ADGRA2: variants seen among roughly 807,000 people sequenced by gnomAD.
ADGRA2 encodes G-protein coupled receptor 124.
Under a neutral mutation model 98.7 loss-of-function variants are expected in ADGRA2, and 61 were observed. The observed-to-expected ratio is 0.62, with a 90% CI of 0.50 to 0.76. The LOEUF (loss-of-function observed/expected upper bound fraction) is 0.76. Ranked by LOEUF, ADGRA2 falls within the 30% of genes least tolerant of loss-of-function variation. ADGRA2 has a pLI of 0.00. For synonymous variants in ADGRA2, 858 were observed against 831.5 expected, an observed-to-expected ratio of 1.03 and a Z score of -0.55; for missense variants, 1,712 against 1,860.0, an observed-to-expected ratio of 0.92 and a Z score of 1.46.
chr8:37,835,605 C>T lies in ADGRA2; in HGVS notation c.1885C>T (p.Leu629Phe), dbSNP rs1322685559. The T allele has an allele frequency of 6.2e-7, 1 of 1,613,918 alleles. No individual in the cohort carries two copies. ...IQLPPSLFSS[L>F]PAALAPPVPP... ...GCTGCCCCCGAGTCTATTCTCATCC[C>T]TTCCGGCTGCCCTGGCTCCCCCGGT... Residue 629 changes from leucine (L) to phenylalanine (F), a missense_variant, in exon 13 of 19, where the codon CTT (leucine) becomes TTT (phenylalanine). Leu to Phe is a conservative substitution (Grantham distance 22, BLOSUM62 0). Transcript: ENST00000412232.
rs760832211 is a variant in ADGRA2 at position 37,831,447 on chromosome 8, C to T, written c.957C>T (p.Gly319=). The change falls in exon 8 of 19, where the codon GGC becomes GGT. Residue 319 remains glycine, a synonymous_variant. Coordinates refer to ENST00000412232, the MANE Select transcript of ADGRA2 (RefSeq NM_032777.10). ...ITSELTLSHI[G]VWASGEWECT... ...GTGAGCTGACGCTGTCTCACATCGG[C>T]GTGTGGGCCTCAGGCGAGTGGGAGT... 2.7e-5 allele frequency: 44 copies of T among 1,612,272 alleles called. No individual in the cohort carries two copies. Among genetic ancestry groups the T allele is most frequent in the African/African-American group, 4.0e-5 (3 of 74,948 alleles).
intron 2 of ADGRA2, among the ~76,000 whole-genome samples, chr8:37,827,590 T>A (rs980921596): frequency 3.3e-5 from 5 of 152,012 alleles, no homozygotes; most frequent in Admixed American, 2.0e-4. Context: ...CCCTGGGGGG[T>A]CACAGCCCCC....
At position 37,816,204 on chromosome 8, in the gene ADGRA2, G is replaced by A. The variant is rs562527983; in HGVS notation, c.338+1237G>A. The stretch of plus-strand genomic sequence containing the variant: ...CTCTGGGAGGCCGAGGCTGGAGGAC[G>A]GCTTGAGCCCAGGAGTTCAAGGCTG... On this transcript the variant is annotated intron_variant, in intron 2 of 18. Transcript: ENST00000412232. 1.0e-4 allele frequency among the ~76,000 whole-genome samples: 15 copies of A among 148,450 alleles called. No homozygotes were observed. In the East Asian group the frequency reaches 1.9e-3, roughly 19 times the overall value.
rs1399388758 is a variant in ADGRA2 at position 37,824,581 on chromosome 8, C to T, written c.339-4307C>T. ...TGATCTCAGCTCACTGCAACCTCCA[C>T]CTCCCGGGTTCAAGCGATTCTCCTG... On this transcript the variant is annotated intron_variant, in intron 2 of 18. Transcript: ENST00000412232. Among the ~76,000 whole-genome samples, 7 of 151,180 alleles carry T rather than the reference C, an allele frequency of 4.6e-5. No individual in the cohort carries two copies. In the South Asian group the frequency reaches 1.3e-3, roughly 27 times the overall value.
Position 37,797,330 on chromosome 8 carries a change from C to A in ADGRA2, c.62C>A (p.Pro21Gln), listed in dbSNP as rs1804358013. 2 of 1,365,148 alleles carry A rather than the reference C, an allele frequency of 1.5e-6. No individual in the cohort carries two copies. The highest frequency in any genetic ancestry group is 1.8e-5 in the South Asian group (1 of 56,354). 84.6% of individuals were successfully genotyped at this position (1,365,148 alleles called of 1,614,324 possible). Residue 21 changes from proline to glutamine, a missense_variant, in exon 1 of 19, where the codon CCG becomes CAG. Transcript: ENST00000412232. This position sits in a 1 kb window ranked among gnomAD's most constrained non-coding sequence, Gnocchi z 5.3. ...APARLLLPLL[P>Q]WLLLLLAPEA... ...GCGCGCCTGCTGCTGCCGCTGCTGC[C>A]GTGGCTCCTGCTGCTCCTGGCGCCC...
intron 1 of ADGRA2, among the ~76,000 whole-genome samples, chr8:37,810,176 A>AAT (rs990547100): frequency 8.6e-5 from 13 of 151,440 alleles, no homozygotes; most frequent in East Asian, 1.9e-4. Context: ...TATATATAAA[A>AAT]ATATATATAT....
intron 1 of ADGRA2, among the ~76,000 whole-genome samples, chr8:37,806,526 C>CTTTTTTT (rs533491458): frequency 4.0e-5 from 4 of 100,354 alleles, no homozygotes; most frequent in Admixed American, 1.0e-4. Context: ...TTTTCTTTTT[C>CTTTTTTT]TTTTTTTTTT....
intron 4 of ADGRA2, 46 bp from the exon 5 acceptor site, chr8:37,829,442 A>G (rs753583395): frequency 1.9e-6 from 3 of 1,562,908 alleles, no homozygotes; most frequent in African/African-American, 1.4e-5. Flanking sequence ...CCGCCGGCCC[A>G]TGGACACCCT....
At position 37,841,032 on chromosome 8, in the gene ADGRA2, GC is replaced by G. The variant is rs530087386; in HGVS notation, c.2748-50del. The G allele has an allele frequency of 1.8e-3, 1,470 of 802,146 alleles. 14 individuals carry two copies. In the African/African-American group the frequency reaches 0.02, roughly 11 times the overall value. 49.7% of individuals were successfully genotyped at this position (802,146 alleles called of 1,614,324 possible). On this transcript the variant is annotated intron_variant, in intron 18 of 18. Transcript: ENST00000412232. This position sits in a 1 kb window ranked among gnomAD's most constrained non-coding sequence, Gnocchi z 5.0. Reference sequence around the variant, plus strand: ...GTCTCCCCAACCACCCCGGCCCCCAGCCCCACCCCAGCCATGCCCCCTGTCC... The same window carrying G: ...GTCTCCCCAACCACCCCGGCCCCCAGCCCACCCCAGCCATGCCCCCTGTCC...
rs1398957679 is a variant in ADGRA2, at chr8:37,830,860, G to T, written c.869G>T (p.Gly290Val). 5 of 1,594,868 alleles carry T rather than the reference G, an allele frequency of 3.1e-6. No homozygotes were observed. The highest frequency in any genetic ancestry group is 3.5e-5 in the Admixed American group (2 of 57,664). The change falls in exon 7 of 19, where the codon GGT becomes GTT. Residue 290 changes from glycine to valine, a missense_variant. By Grantham distance (109) the Gly-to-Val change is moderately radical (BLOSUM62 -3). Coordinates refer to ENST00000412232, the MANE Select transcript of ADGRA2 (RefSeq NM_032777.10). This position sits in a 1 kb window ranked among gnomAD's most constrained non-coding sequence, Gnocchi z 4.8. ...RWYHNRAPVE[G>V]DEQAGILLAE... Reference sequence around the variant, plus strand: ...TACCACAACCGAGCCCCTGTGGAGGGTGATGAGCAGGCGGGCATCCTCCTG... The same window carrying T: ...TACCACAACCGAGCCCCTGTGGAGGTTGATGAGCAGGCGGGCATCCTCCTG...
At chr8:37,806,049 C>G (rs532349187) in intron 1 of ADGRA2, among the ~76,000 whole-genome samples, 1 of 151,860 alleles carries the variant, frequency 6.6e-6, no homozygotes, top group Non-Finnish European at 1.5e-5. Flanking sequence ...AAGTTTGGCT[C>G]CCCCCGGGGG....
chr8:37,833,875 C>T (rs750430237), intron 10 of ADGRA2, 38 bp downstream of exon 10: 14 of 1,610,450 alleles, frequency 8.7e-6, no homozygotes, highest in Non-Finnish European at 1.2e-5. Flanking sequence ...CGGAAAACGC[C>T]CCCATCCCTC....
chr8:37,825,304 C>T (rs1458417636), intron 2 of ADGRA2, among the ~76,000 whole-genome samples: 4 of 151,802 alleles, frequency 2.6e-5, no homozygotes, highest in African/African-American at 9.7e-5. Context: ...GCAGCAGTGG[C>T]GAAATCTCAG....
chr8:37,826,212 G>A (rs1197702363), intron 2 of ADGRA2, among the ~76,000 whole-genome samples: 1 of 152,182 alleles, frequency 6.6e-6, no homozygotes, highest in Non-Finnish European at 1.5e-5. Flanking sequence ...CCCTCTGCCC[G>A]TCCCCCACGT....
At chr8:37,825,111 G>A (rs1464526717) in intron 2 of ADGRA2, among the ~76,000 whole-genome samples, 1 of 152,198 alleles carries the variant, frequency 6.6e-6, no homozygotes, top group African/African-American at 2.4e-5. Context: ...GAGGGGAAGT[G>A]CCTTCAACAC....
chr8:37,814,887 T>C lies in ADGRA2; in HGVS notation c.267-9T>C. On this transcript the variant is annotated splice_polypyrimidine_tract_variant and intron_variant, in intron 1 of 18. Transcript: ENST00000412232. This position sits in a 1 kb window ranked among gnomAD's most constrained non-coding sequence, Gnocchi z 4.3. ...CCTTGTCCTGTCTGTGTCCTCTCTG[T>C]CTCTTCAGGCTCTTGAGCAATAACA... 1.9e-6 allele frequency: 3 copies of C among 1,606,128 alleles called. No individual in the cohort carries two copies. The highest frequency in any genetic ancestry group is 2.6e-6 in the Non-Finnish European group (3 of 1,172,762).
intron 14 of ADGRA2, among the ~76,000 whole-genome samples, 185 bp downstream of exon 14, chr8:37,838,124 T>C (rs560230744): frequency 6.6e-5 from 10 of 152,334 alleles, no homozygotes; most frequent in Non-Finnish European, 1.5e-4. Flanking sequence ...CTCTCCATCT[T>C]TCAGGAGACA....
intron 2 of ADGRA2, among the ~76,000 whole-genome samples, chr8:37,815,963 G>A (rs556318272): frequency 2.0e-5 from 3 of 152,260 alleles, no homozygotes; most frequent in East Asian, 3.9e-4. Flanking sequence ...CCTGCTAGGC[G>A]TTCCTAGTTC....
chr8:37,828,550 G>A (rs1196199257), intron 2 of ADGRA2, among the ~76,000 whole-genome samples: 3 of 144,836 alleles, frequency 2.1e-5, no homozygotes, highest in East Asian at 2.2e-4. Context: ...GCAGTGGCGC[G>A]ATCTTGGCTC....
Sources: gnomAD v4.1 joint callset for allele counts (sites outside exome capture counted in the v4.1 genomes callset) on GRCh38, gnomAD v4.1.1 for gene constraint, Gnocchi (gnomAD v3.1) non-coding constraint, MANE v1.5 for transcripts, NCBI Gene and HGNC (gene_info 2026-07-23, HGNC 2026-07-21) for gene names.